The following ATXN10 variants were observed in gnomAD, a reference collection of about 807,000 sequenced individuals.
The protein encoded by ATXN10 is ataxin 10.
ATXN10 carries 28 observed loss-of-function variants against 52.9 expected under a neutral mutation model. The ratio of observed to expected loss-of-function variants is 0.53; its 90% CI spans 0.39 to 0.73. The LOEUF is 0.73. ATXN10 is among the 30% of genes least tolerant of loss of function. The pLI is 0.00. For missense variants in ATXN10, 565 were observed against 577.0 expected (o/e 0.98, Z 0.21); for synonymous variants, 226 against 221.5 (o/e 1.02, Z -0.18).
chr22:45,701,202 C>T lies in ATXN10; in HGVS notation c.488+824C>T, dbSNP rs569553992. On this transcript the variant is annotated intron_variant, in intron 4 of 11. Coordinates refer to ENST00000252934, the MANE Select transcript of ATXN10 (RefSeq NM_013236.4). This position sits in a 1 kb window ranked among gnomAD's most constrained non-coding sequence, Gnocchi z 4.2. Reference sequence around the variant, plus strand: ...TACATACCCTGAACTGGGCATTATCCGTATATTTTTTCTGTTCTCACAATA... The same window carrying T: ...TACATACCCTGAACTGGGCATTATCTGTATATTTTTTCTGTTCTCACAATA... Among the ~76,000 whole-genome samples the T allele has an allele frequency of 3.3e-5, 5 of 152,194 alleles. No individual in the cohort carries two copies. Among genetic ancestry groups the T allele is most frequent in the East Asian group, 3.9e-4 (2 of 5,180 alleles).
rs140014542 is a variant in ATXN10, at chr22:45,843,050, C to G, written c.1297C>G (p.Gln433Glu). The G allele has an allele frequency of 6.2e-7, 1 of 1,613,984 alleles. No individual in the cohort carries two copies. The highest frequency in any genetic ancestry group is 1.3e-5 in the African/African-American group (1 of 74,856). ...RNLTEDNSQNQDLIAKMEEQG... is the reference protein window; with the variant it reads ...RNLTEDNSQNEDLIAKMEEQG... ...CCTTACCGAAGACAACAGCCAAAACCAAGATTTGATTGCAAAGATGGAGGA... is the reference window on the plus strand; with the variant it reads ...CCTTACCGAAGACAACAGCCAAAACGAAGATTTGATTGCAAAGATGGAGGA... The change falls in exon 11 of 12, where the codon CAA becomes GAA. Residue 433 changes from glutamine (Q) to glutamate (E), a missense_variant. Gln to Glu is a conservative substitution (Grantham distance 29). Transcript: ENST00000252934. The surrounding 1 kb of genome is among the most constrained non-coding windows in gnomAD (Gnocchi z 4.5).
At chr22:45,675,136 G>T (rs9614753) in intron 1 of ATXN10, 2 of 152,202 alleles carry the variant, frequency 1.3e-5, no homozygotes, top group Non-Finnish European at 2.9e-5. Context: ...TAACAAGGTT[G>T]TAAGTGACCA....
At chr22:45,791,902 T>A (rs1459112243) in intron 9 of ATXN10, among the ~76,000 whole-genome samples, 4 of 152,224 alleles carry the variant, frequency 2.6e-5, no homozygotes, top group Non-Finnish European at 5.9e-5. Flanking sequence ...TTGAGAGCTA[T>A]TTGCGTCTTT....
At chr22:45,836,123 A>G (rs1929158746) in intron 10 of ATXN10, among the ~76,000 whole-genome samples, 2 of 152,208 alleles carry the variant, frequency 1.3e-5, no homozygotes, top group Admixed American at 1.3e-4. Context: ...TATTGAACAC[A>G]TAGTTTCCAG....
At chr22:45,788,927 G>A (rs1419254263) in intron 9 of ATXN10, among the ~76,000 whole-genome samples, 2 of 152,100 alleles carry the variant, frequency 1.3e-5, no homozygotes, top group Non-Finnish European at 2.9e-5. Context: ...AGGATTACAG[G>A]CATGAGCCAC....
In ATXN10 at chr22:45,693,066, T is replaced by C; in HGVS notation, c.379T>C (p.Ser127Pro). 2 of 1,613,860 alleles carry C rather than the reference T, an allele frequency of 1.2e-6. No individual in the cohort carries two copies. Among genetic ancestry groups the C allele is most frequent in the Non-Finnish European group, 1.7e-6 (2 of 1,179,766 alleles). ...TCGTGAACTGCGAGTGGAACAGGAA[T>C]CTCTGTTGACAGGTAGCATGCAATA... ...LFRELRVEQE[S>P]LLTAFRCGLQ... The change falls in exon 3 of 12, where the codon TCT (serine) becomes CCT (proline). Residue 127 changes from serine (S) to proline (P), a missense_variant. Ser to Pro is a moderately conservative substitution (Grantham distance 74). Transcript: ENST00000252934.
chr22:45,774,143 C>T lies in ATXN10; in HGVS notation c.1174-32816C>T, dbSNP rs952154382. 3.3e-5 allele frequency among the ~76,000 whole-genome samples: 5 copies of T among 152,230 alleles called. No individual in the cohort carries two copies. Among genetic ancestry groups the T allele is most frequent in the Non-Finnish European group, 7.3e-5 (5 of 68,030 alleles). ...GTGTGCGCTGGCACTCTGGGAAGTA[C>T]TGTGACAGCCTGCTAATGTCTGGGG... On this transcript the variant is annotated intron_variant, in intron 9 of 11. Transcript: ENST00000252934. The surrounding 1 kb of genome is among the most constrained non-coding windows in gnomAD (Gnocchi z 6.2).
rs1484655902 is a variant in ATXN10, at chr22:45,759,092, A to C, written c.1173+18554A>C. On this transcript the variant is annotated intron_variant, in intron 9 of 11. Transcript: ENST00000252934. The surrounding 1 kb of genome is among the most constrained non-coding windows in gnomAD (Gnocchi z 5.4). Reference sequence around the variant, plus strand: ...TAACTTTAGAAACTTACTGCCAGAGAAACAAATATTGATTAAGAGCACACT... The same window carrying C: ...TAACTTTAGAAACTTACTGCCAGAGCAACAAATATTGATTAAGAGCACACT... 6.6e-6 allele frequency among the ~76,000 whole-genome samples: 1 copy of C among 152,228 alleles called. No homozygotes were observed. Among genetic ancestry groups the C allele is most frequent in the African/African-American group, 2.4e-5 (1 of 41,454 alleles).
At chr22:45,693,302 A>G (rs1601591674) in intron 3 of ATXN10, among the ~76,000 whole-genome samples, 1 of 152,218 alleles carries the variant, frequency 6.6e-6, no homozygotes, top group Non-Finnish European at 1.5e-5. Flanking sequence ...TGTCTGTTCC[A>G]GTTGCTATAA....
rs1279534953 is a variant in ATXN10 at position 45,826,273 on chromosome 22, G to GT, written c.1238-16716dup. Reference sequence around the variant, plus strand: ...AGTCCAACAAGCAGAAAGAAAAAAGGTTGTAGAAAAGTGAACAGAGCCTAA... The same window carrying GT: ...AGTCCAACAAGCAGAAAGAAAAAAGGTTTGTAGAAAAGTGAACAGAGCCTAA... On this transcript the variant is annotated intron_variant, in intron 10 of 11. Transcript: ENST00000252934. This position sits in a 1 kb window ranked among gnomAD's most constrained non-coding sequence, Gnocchi z 5.0. 1.1e-4 allele frequency among the ~76,000 whole-genome samples: 17 copies of GT among 152,238 alleles called. No individual in the cohort carries two copies. Among genetic ancestry groups the GT allele is most frequent in the African/African-American group, 3.9e-4 (16 of 41,542 alleles).
chr22:45,697,352 C>G lies in ATXN10; in HGVS notation c.392-2930C>G, dbSNP rs1276805615. The stretch of plus-strand genomic sequence containing the variant: ...GTTTCACCACATTGGCCAGGCTGGT[C>G]TCGAACTCCTGACTTCAGGTGAACC... On this transcript the variant is annotated intron_variant, in intron 3 of 11. Transcript: ENST00000252934. 5.3e-5 allele frequency among the ~76,000 whole-genome samples: 8 copies of G among 152,024 alleles called. 2 individuals are homozygous for G. Among genetic ancestry groups the G allele is most frequent in the Admixed American group, 3.3e-4 (5 of 15,266 alleles).
rs1433136421 is a variant in ATXN10 at position 45,690,777 on chromosome 22, G to A, written c.308+874G>A. On this transcript the variant is annotated intron_variant, in intron 2 of 11. Coordinates refer to ENST00000252934, the MANE Select transcript of ATXN10 (RefSeq NM_013236.4). The surrounding 1 kb of genome is among the most constrained non-coding windows in gnomAD (Gnocchi z 4.5). The stretch of plus-strand genomic sequence containing the variant: ...GTCCAGTGCTCTTCTTTGCTTTTAC[G>A]TGTTACCGTCTCCTCCCAGAACACA... Among the ~76,000 whole-genome samples the A allele has an allele frequency of 6.6e-6, 1 of 152,138 alleles. No homozygotes were observed. Among genetic ancestry groups the A allele is most frequent in the African/African-American group, 2.4e-5 (1 of 41,432 alleles).
intron 10 of ATXN10, among the ~76,000 whole-genome samples, chr22:45,809,821 C>A (rs956508355): frequency 1.3e-5 from 2 of 152,144 alleles, no homozygotes; most frequent in African/African-American, 4.8e-5. Context: ...GATTGAAGTT[C>A]TTTGTCAGCT....
intron 1 of ATXN10, among the ~76,000 whole-genome samples, chr22:45,686,022 T>G (rs1386678655): frequency 6.6e-6 from 1 of 152,254 alleles, no homozygotes; most frequent in Non-Finnish European, 1.5e-5. Context: ...AATATCTATA[T>G]GATATTCACA....
chr22:45,813,749 C>T (rs1180988540), intron 10 of ATXN10, among the ~76,000 whole-genome samples: 2 of 152,084 alleles, frequency 1.3e-5, no homozygotes, highest in Non-Finnish European at 2.9e-5. Context: ...TGTTATCATG[C>T]CTATAAAGTG....
chr22:45,756,728 T>C (rs1019533556), intron 9 of ATXN10, among the ~76,000 whole-genome samples: 6 of 152,226 alleles, frequency 3.9e-5, no homozygotes, highest in Non-Finnish European at 7.3e-5. Context: ...GTACATCTTA[T>C]GTTACAAATC....
At chr22:45,801,450 C>G (rs1348319529) in intron 9 of ATXN10, among the ~76,000 whole-genome samples, 1 of 152,186 alleles carries the variant, frequency 6.6e-6, no homozygotes, top group Non-Finnish European at 1.5e-5. Context: ...AGCAGCAGCT[C>G]AGGCCTGAAA....
At chr22:45,804,815 C>G (rs998709044) in intron 9 of ATXN10, among the ~76,000 whole-genome samples, 1 of 152,174 alleles carries the variant, frequency 6.6e-6, no homozygotes, top group Admixed American at 6.5e-5. Flanking sequence ...GTTTCCTCCA[C>G]CCCATTCTCT....
rs1928115486 is a variant in ATXN10, at chr22:45,806,855, T to G, written c.1174-104T>G. 8 of 877,462 alleles carry G rather than the reference T, an allele frequency of 9.1e-6. No individual in the cohort carries two copies. The South Asian group carries it at 1.1e-4, about 12-fold the overall frequency. The allele number at this position is 877,462 out of a possible 1,614,324, so 54.4% of individuals were successfully genotyped here. The stretch of plus-strand genomic sequence containing the variant: ...ATATTTCAGATAATAGTGCAAACAA[T>G]ATTATAACATTGAGTAAGAAAACAC... On this transcript the variant is annotated intron_variant, in intron 9 of 11. Transcript: ENST00000252934.
Sources: allele counts gnomAD v4.1 joint callset (sites outside exome capture counted in the v4.1 genomes callset), GRCh38; gene constraint gnomAD v4.1.1; non-coding constraint Gnocchi (gnomAD v3.1); transcripts MANE v1.5; gene names NCBI Gene and HGNC (gene_info 2026-07-23, HGNC 2026-07-21).